The following RBM47 variants were observed in gnomAD, a reference collection of about 807,000 sequenced individuals.
The protein encoded by RBM47 is RNA binding motif protein 47.
In RBM47, 21 loss-of-function variants were observed where a neutral mutation model predicts 47.1. The observed-to-expected ratio is 0.45, with a 90% CI of 0.32 to 0.64. The LOEUF (loss-of-function observed/expected upper bound fraction) is 0.64, where lower values mean the gene tolerates loss of function less well. Among genes scored for constraint, RBM47 ranks in the 30% least tolerant of loss-of-function variants. The probability of loss-of-function intolerance (pLI) is 0.05; values close to 1 mark genes in which losing one functional copy is unlikely to be tolerated. For missense variants in RBM47, 708 were observed against 870.9 expected, an observed-to-expected ratio of 0.81 and a Z score of 2.35; for synonymous variants, 375 against 361.7, an observed-to-expected ratio of 1.04 and a Z score of -0.42.
chr4:40,563,207 T>G (rs1197257191), intron 1 of RBM47, among the ~76,000 whole-genome samples: 2 of 152,150 alleles, frequency 1.3e-5, no homozygotes, highest in Non-Finnish European at 2.9e-5. Context: ...AATAAATAAA[T>G]AAATAAAATA....
At chr4:40,451,679 A>G (rs763197052) in intron 3 of RBM47, among the ~76,000 whole-genome samples, 1 of 152,248 alleles carries the variant, frequency 6.6e-6, no homozygotes, top group Non-Finnish European at 1.5e-5. Context: ...CAGCATCTGT[A>G]CAGGTCTGTA....
At chr4:40,432,993 C>T in intron 5 of RBM47, 131 bp from the exon 6 acceptor site, 1 of 1,294,760 alleles carries the variant, frequency 7.7e-7, no homozygotes, top group Non-Finnish European at 1.0e-6. Flanking sequence ...CAGGGTCTCA[C>T]TCTGTGGCCC....
intron 1 of RBM47, among the ~76,000 whole-genome samples, chr4:40,605,575 A>G (rs1171872070): frequency 6.6e-6 from 1 of 152,060 alleles, no homozygotes; most frequent in African/African-American, 2.4e-5. Context: ...TCACGCCTGT[A>G]ATCTTAGCAC....
intron 2 of RBM47, among the ~76,000 whole-genome samples, chr4:40,492,251 T>A (rs944544210): frequency 2.0e-5 from 3 of 152,062 alleles, no homozygotes; most frequent in Non-Finnish European, 4.4e-5. Context: ...GCGCCTGTAG[T>A]CCCAGCTACT....
intron 3 of RBM47, among the ~76,000 whole-genome samples, chr4:40,456,829 G>A (rs1212420555): frequency 6.6e-6 from 1 of 151,724 alleles, no homozygotes; most frequent in Non-Finnish European, 1.5e-5. Flanking sequence ...AAACTCCTGG[G>A]CTCAAGCAAT....
chr4:40,437,117 C>T lies in RBM47; in HGVS notation c.1124-470G>A, dbSNP rs28515008. On this transcript the variant is annotated intron_variant, in intron 4 of 6. Transcript: ENST00000295971. ...TATATATATATATATATATAAAATA[C>T]ATATATATATATATAAAATACATAT... 7.4e-3 allele frequency among the ~76,000 whole-genome samples: 396 copies of T among 53,172 alleles called. 21 individuals carry two copies. Among genetic ancestry groups the T allele is most frequent in the African/African-American group, 0.032 (286 of 8,826 alleles). The allele number at this position is 53,172 out of a possible 152,430, so 34.9% of individuals were successfully genotyped here.
At chr4:40,603,152 T>G (rs1036105806) in intron 1 of RBM47, among the ~76,000 whole-genome samples, 2 of 152,242 alleles carry the variant, frequency 1.3e-5, no homozygotes, top group African/African-American at 4.8e-5. Context: ...GCTCTCCTGA[T>G]TTCTAACACT....
intron 1 of RBM47, among the ~76,000 whole-genome samples, chr4:40,574,792 T>C (rs538311341): frequency 1.4e-3 from 216 of 152,142 alleles, no homozygotes; most frequent in Non-Finnish European, 2.6e-3. Context: ...AGAGGTTGCA[T>C]TGAGCCAAGA....
chr4:40,583,419 A>C (rs1330815551), intron 1 of RBM47, among the ~76,000 whole-genome samples: 2 of 149,198 alleles, frequency 1.3e-5, no homozygotes, highest in Non-Finnish European at 3.0e-5. Flanking sequence ...AAAAAAGGGA[A>C]ACAGAAGCTG....
intron 1 of RBM47, among the ~76,000 whole-genome samples, chr4:40,615,640 G>A (rs997168517): frequency 2.6e-5 from 4 of 152,072 alleles, no homozygotes; most frequent in Non-Finnish European, 4.4e-5. Flanking sequence ...AATTAGCTGG[G>A]CATAATGGTA....
chr4:40,482,853 G>GT (rs1451142287), intron 2 of RBM47, among the ~76,000 whole-genome samples: 1 of 152,100 alleles, frequency 6.6e-6, no homozygotes, highest in African/African-American at 2.4e-5. Context: ...AGACCTTGTG[G>GT]TTCAGTTCTT....
At chr4:40,448,118 C>T (rs1225851179) in intron 3 of RBM47, among the ~76,000 whole-genome samples, 2 of 152,168 alleles carry the variant, frequency 1.3e-5, no homozygotes, top group Non-Finnish European at 2.9e-5. Context: ...ATTGCTTGAA[C>T]CCGGGAGGCA....
At position 40,437,948 on chromosome 4, in the gene RBM47, C is replaced by A; in HGVS notation, c.946G>T (p.Ala316Ser). 6.2e-7 allele frequency: 1 copy of A among 1,613,488 alleles called. No homozygotes were observed. The highest frequency in any genetic ancestry group is 1.6e-4 in the Middle Eastern group (1 of 6,062). Residue 316 changes from alanine (A) to serine (S), a missense_variant, in exon 4 of 7, where the codon GCC becomes TCC. Physicochemically the swap from Ala to Ser is moderately conservative, Grantham distance 99 (BLOSUM62 1). Transcript: ENST00000295971. ...TACTGCTCCTTGTCCACGGGCTTGG[C>A]CAGCGTGACCTCCAGGCACGAGCCC... ...LEGSCLEVTLAKPVDKEQYSR... is the reference protein window; with the variant it reads ...LEGSCLEVTLSKPVDKEQYSR...
chr4:40,513,741 G>A (rs1247969001), intron 2 of RBM47, among the ~76,000 whole-genome samples: 3 of 151,230 alleles, frequency 2.0e-5, no homozygotes, highest in South Asian at 2.1e-4. Flanking sequence ...TTTTGGAGAC[G>A]GAGTTTCGCT....
chr4:40,530,095 C>T (rs1307002021), intron 2 of RBM47, among the ~76,000 whole-genome samples: 1 of 150,678 alleles, frequency 6.6e-6, no homozygotes, highest in African/African-American at 2.4e-5. Context: ...GCCACCACAC[C>T]TGGTTAATTT....
chr4:40,450,697 G>C (rs764676058), intron 3 of RBM47, among the ~76,000 whole-genome samples: 13 of 152,082 alleles, frequency 8.5e-5, no homozygotes, highest in Non-Finnish European at 1.8e-4. Context: ...CTCTAACCCA[G>C]GGTTTTTGAA....
intron 2 of RBM47, among the ~76,000 whole-genome samples, chr4:40,504,964 T>C (rs1251347006): frequency 6.6e-6 from 1 of 152,234 alleles, no homozygotes; most frequent in African/African-American, 2.4e-5. Flanking sequence ...GTATTTTGTT[T>C]TTCAGAATAA....
intron 2 of RBM47, among the ~76,000 whole-genome samples, chr4:40,518,122 A>G (rs1240741129): frequency 6.6e-6 from 1 of 151,112 alleles, no homozygotes; most frequent in East Asian, 1.9e-4. Context: ...TAGCCATCAA[A>G]TCACACCACA....
chr4:40,618,824 A>AG (rs1736985738), intron 1 of RBM47, among the ~76,000 whole-genome samples: 1 of 150,738 alleles, frequency 6.6e-6, no homozygotes. Context: ...AAAAAAAAAA[A>AG]AAAAAAAAAA....
Sources: allele counts gnomAD v4.1 joint callset (sites outside exome capture counted in the v4.1 genomes callset), GRCh38; gene constraint gnomAD v4.1.1; transcripts MANE v1.5; gene names NCBI Gene and HGNC (gene_info 2026-07-23, HGNC 2026-07-21).